The following MYO5B variants were observed in gnomAD, a reference collection of about 807,000 sequenced individuals.
MYO5B encodes the protein unconventional myosin-Vb.
MYO5B carries 143 observed loss-of-function variants against 229.3 expected under a neutral mutation model. That is an observed-to-expected ratio of 0.62 (90% CI 0.54 to 0.72). The LOEUF is 0.72. Among genes scored for constraint, MYO5B ranks in the 30% least tolerant of loss-of-function variants. MYO5B has a pLI of 0.00. For synonymous variants in MYO5B, 918 were observed against 885.2 expected (o/e 1.04, Z -0.66); for missense variants, 2,321 against 2,331.0 (o/e 1.00, Z 0.09).
At chr18:49,880,582 C>T (rs1038575925) in intron 22 of MYO5B, 127 bp from the exon 23 acceptor site, 7 of 798,504 alleles carry the variant, frequency 8.8e-6, no homozygotes, top group Middle Eastern at 2.3e-4. Flanking sequence ...TTGGTTAAAG[C>T]TTCTTTTGTT....
At chr18:50,048,465 C>T (rs1202772379) in intron 2 of MYO5B, among the ~76,000 whole-genome samples, 2 of 152,148 alleles carry the variant, frequency 1.3e-5, no homozygotes, top group Middle Eastern at 6.3e-3. Context: ...TAAGGTCACA[C>T]TGACACCAAC....
intron 1 of MYO5B, among the ~76,000 whole-genome samples, chr18:50,145,203 C>A (rs71357223): frequency 6.6e-6 from 1 of 152,096 alleles, no homozygotes; most frequent in Non-Finnish European, 1.5e-5. Context: ...AGCAGCAATT[C>A]TCAGCCGGGT....
intron 22 of MYO5B, among the ~76,000 whole-genome samples, chr18:49,885,038 T>C (rs1331258468): frequency 2.6e-5 from 4 of 152,186 alleles, no homozygotes; most frequent in South Asian, 2.1e-4. Context: ...GGTGGGAATA[T>C]AAAATGGTGC....
At chr18:49,916,841 C>G (rs1326878623) in intron 17 of MYO5B, among the ~76,000 whole-genome samples, 2 of 152,206 alleles carry the variant, frequency 1.3e-5, no homozygotes, top group Non-Finnish European at 2.9e-5. Context: ...GAAAACAAAC[C>G]CTCAGAGATA....
intron 17 of MYO5B, among the ~76,000 whole-genome samples, chr18:49,924,158 C>T (rs1300594668): frequency 6.6e-6 from 1 of 152,112 alleles, no homozygotes; most frequent in East Asian, 1.9e-4. Context: ...CAGGTGGCCG[C>T]ACATGTTGGG....
Position 49,953,297 on chromosome 18 carries a change from AC to A in MYO5B, c.1714del (p.Val572CysfsTer9). On this transcript the variant is annotated frameshift_variant, in exon 14 of 40. Transcript: ENST00000285039. LOFTEE classifies it high-confidence loss of function. ...CAGGATATTGATCTGCTCTTCATAC[AC>A]CGTGTCTCTGTTTTTCTCCAGAAAA... The part of the protein sequence containing the change: ...DGFLEKNRDT[V>X]YEEQINILKA... 1.9e-6 allele frequency: 3 copies of A among 1,613,886 alleles called. No individual in the cohort carries two copies. The highest frequency in any genetic ancestry group is 2.5e-6 in the Non-Finnish European group (3 of 1,179,976).
chr18:50,040,334 A>T lies in MYO5B; in HGVS notation c.139-20T>A, dbSNP rs372312465. 6.2e-7 allele frequency: 1 copy of T among 1,612,616 alleles called. No homozygotes were observed. Among genetic ancestry groups the T allele is most frequent in the African/African-American group, 1.3e-5 (1 of 75,016 alleles). ...CAGAATCTAAAGACATGCAAGTAGC[A>T]GACACAAAAAGGTGGTTATGAAGCG... On this transcript the variant is annotated intron_variant, in intron 2 of 39. Coordinates refer to ENST00000285039, the MANE Select transcript of MYO5B (RefSeq NM_001080467.3).
At chr18:50,094,123 G>C (rs1191957194) in intron 1 of MYO5B, among the ~76,000 whole-genome samples, 1 of 152,140 alleles carries the variant, frequency 6.6e-6, no homozygotes, top group Non-Finnish European at 1.5e-5. Flanking sequence ...TCTGTATCAG[G>C]ACCCCTTTCC....
intron 4 of MYO5B, among the ~76,000 whole-genome samples, chr18:50,014,593 T>G (rs977451982): frequency 6.6e-6 from 1 of 152,208 alleles, no homozygotes; most frequent in African/African-American, 2.4e-5. Flanking sequence ...CTGCAGTAAA[T>G]GAAGCCCAGA....
rs1246026040 is a variant in MYO5B, at chr18:49,894,775, C to A, written c.3045+166G>T. Among the ~76,000 whole-genome samples, 3 of 152,226 alleles carry A rather than the reference C, an allele frequency of 2.0e-5. No homozygotes were observed. The East Asian group carries it at 5.8e-4, about 29-fold the overall frequency. ...GCAGTCATGCTTGTGTGGGTTTCCC[C>A]AAAGCATGCCACTTTCTGTCTAGAC... On this transcript the variant is annotated intron_variant, in intron 22 of 39. Transcript: ENST00000285039.
intron 17 of MYO5B, among the ~76,000 whole-genome samples, chr18:49,913,619 G>A (rs1056620173): frequency 1.3e-5 from 2 of 152,062 alleles, no homozygotes; most frequent in Non-Finnish European, 2.9e-5. Flanking sequence ...ATATGGACAG[G>A]AGACAGGGAA....
chr18:49,847,025 A>T, intron 33 of MYO5B, 121 bp downstream of exon 33: 1 of 1,276,298 alleles, frequency 7.8e-7, no homozygotes, highest in Non-Finnish European at 1.1e-6. Flanking sequence ...CAAGTAGGAG[A>T]CAGAGGGTGG....
At chr18:50,048,567 A>G (rs557734458) in intron 2 of MYO5B, among the ~76,000 whole-genome samples, 1 of 152,254 alleles carries the variant, frequency 6.6e-6, no homozygotes, top group South Asian at 2.1e-4. Context: ...GATCAACATC[A>G]GTTCTACTTA....
chr18:49,839,461 A>G, intron 35 of MYO5B, 167 bp from the exon 36 acceptor site: 3 of 731,158 alleles, frequency 4.1e-6, no homozygotes, highest in Non-Finnish European at 7.2e-6. Flanking sequence ...TTGAGGCCTC[A>G]TTGATGACCC....
chr18:49,877,746 G>A lies in MYO5B; in HGVS notation c.3396+17C>T. ...CCCTCTGGAGGAGGACAGTACCCAA[G>A]AGCCTGCATCACTCACCTCCACCTG... is the stretch of plus-strand genomic sequence containing the variant. On this transcript the variant is annotated intron_variant, in intron 25 of 39. Coordinates refer to ENST00000285039, the MANE Select transcript of MYO5B (RefSeq NM_001080467.3). 6.2e-7 allele frequency: 1 copy of A among 1,613,724 alleles called. No homozygotes were observed. Among genetic ancestry groups the A allele is most frequent in the Non-Finnish European group, 8.5e-7 (1 of 1,179,776 alleles).
At chr18:50,005,520 CCAACCA>C (rs1310391054) in intron 4 of MYO5B, among the ~76,000 whole-genome samples, 1 of 152,212 alleles carries the variant, frequency 6.6e-6, no homozygotes, top group South Asian at 2.1e-4. Context: ...AGGCGATCCC[CCAACCA>C]CAGCTTCCCA....
intron 1 of MYO5B, among the ~76,000 whole-genome samples, chr18:50,129,337 C>CA (rs1250538872): frequency 6.6e-6 from 1 of 152,228 alleles, no homozygotes; most frequent in Non-Finnish European, 1.5e-5. Flanking sequence ...GGAACTTCAA[C>CA]AGACAAGCTT....
intron 13 of MYO5B, 149 bp downstream of exon 13, chr18:49,954,164 G>T (rs2025465117): frequency 2.5e-6 from 3 of 1,177,270 alleles, no homozygotes; most frequent in South Asian, 1.3e-5. Flanking sequence ...AAGTAGAGGG[G>T]TGGGTAAAAG....
chr18:50,009,645 T>C (rs765807476), intron 4 of MYO5B, among the ~76,000 whole-genome samples: 4 of 152,138 alleles, frequency 2.6e-5, no homozygotes, highest in Non-Finnish European at 5.9e-5. Flanking sequence ...AGAAGGTATA[T>C]GGAAAACTAC....
Sources: gnomAD v4.1 joint callset for allele counts (sites outside exome capture counted in the v4.1 genomes callset) on GRCh38, gnomAD v4.1.1 for gene constraint, MANE v1.5 for transcripts, NCBI Gene and HGNC (gene_info 2026-07-23, HGNC 2026-07-21) for gene names.